The following SORCS3 variants were observed in gnomAD, a reference collection of about 807,000 sequenced individuals.
SORCS3 encodes VPS10 domain-containing receptor SorCS3.
Under a neutral mutation model 146.3 loss-of-function variants are expected in SORCS3, and 57 were observed. The ratio of observed to expected loss-of-function variants is 0.39; its 90% CI spans 0.31 to 0.49. SORCS3 has a LOEUF of 0.49. Ranked by LOEUF, SORCS3 falls within the 20% of genes least tolerant of loss-of-function variation. The pLI is 0.92. For synonymous variants in SORCS3, 653 were observed against 618.5 expected, an observed-to-expected ratio of 1.06 and a Z score of -0.83; for missense variants, 1,341 against 1,575.5, an observed-to-expected ratio of 0.85 and a Z score of 2.52.
chr10:105,082,577 C>A (rs372167510), intron 5 of SORCS3, among the ~76,000 whole-genome samples: 1 of 152,242 alleles, frequency 6.6e-6, no homozygotes, highest in Non-Finnish European at 1.5e-5. Flanking sequence ...TATTTGCACA[C>A]ATGTGATGAA....
intron 6 of SORCS3, among the ~76,000 whole-genome samples, chr10:105,094,989 A>G (rs2055735737): frequency 6.6e-6 from 1 of 152,216 alleles, no homozygotes; most frequent in Admixed American, 6.5e-5. Flanking sequence ...ATCTATGGCC[A>G]TCCTTGCCTG....
In SORCS3 at chr10:105,086,499, G is replaced by A. The variant is rs571586585; in HGVS notation, c.1029-3276G>A. ...TTGATTCTTGCTTTCAACCTTGAAA[G>A]ATGTGTGAGATTTTAACTAGGTGGA... On this transcript the variant is annotated intron_variant, in intron 5 of 26. Coordinates refer to ENST00000369701, the MANE Select transcript of SORCS3 (RefSeq NM_014978.3). 2.6e-3 allele frequency among the ~76,000 whole-genome samples: 392 copies of A among 152,328 alleles called. 4 individuals carry two copies. The highest frequency in any genetic ancestry group is 6.2e-4 in the Non-Finnish European group (42 of 68,030).
At chr10:104,715,133 C>G (rs1160092110) in intron 1 of SORCS3, among the ~76,000 whole-genome samples, 1 of 152,038 alleles carries the variant, frequency 6.6e-6, no homozygotes, top group Non-Finnish European at 1.5e-5. Flanking sequence ...TAAGGGATGC[C>G]CAGATAGCTG....
chr10:104,927,053 G>A (rs2019156064), intron 3 of SORCS3, among the ~76,000 whole-genome samples: 1 of 152,108 alleles, frequency 6.6e-6, no homozygotes, highest in Non-Finnish European at 1.5e-5. Context: ...AGGTGCTTAT[G>A]TTTGCTCAAT....
chr10:105,239,099 C>T (rs964068740), intron 20 of SORCS3, among the ~76,000 whole-genome samples: 1 of 152,076 alleles, frequency 6.6e-6, no homozygotes, highest in Non-Finnish European at 1.5e-5. Context: ...AATTTGGTTC[C>T]ATCTTATATC....
chr10:104,680,244 C>T (rs2015955082), intron 1 of SORCS3, among the ~76,000 whole-genome samples: 1 of 152,204 alleles, frequency 6.6e-6, no homozygotes, highest in African/African-American at 2.4e-5. Flanking sequence ...ATGAATCAGC[C>T]ATGCCAGAGT....
intron 22 of SORCS3, among the ~76,000 whole-genome samples, chr10:105,251,485 T>G (rs2056898038): frequency 1.3e-5 from 2 of 152,160 alleles, no homozygotes; most frequent in Non-Finnish European, 2.9e-5. Flanking sequence ...TGTGTCACGG[T>G]GGACATGGTC....
chr10:105,243,428 C>T (rs1021742778), intron 20 of SORCS3, among the ~76,000 whole-genome samples: 2 of 152,180 alleles, frequency 1.3e-5, no homozygotes, highest in African/African-American at 4.8e-5. Flanking sequence ...TTGATATTCC[C>T]TTATTCCATG....
intron 24 of SORCS3, 50 bp downstream of exon 24, chr10:105,255,851 A>C (rs1365766793): frequency 1.4e-6 from 2 of 1,419,380 alleles, no homozygotes; most frequent in African/African-American, 2.8e-5. Context: ...CTGTTATCCC[A>C]GAGAGAAAAG....
At chr10:105,047,356 C>T (rs994422830) in intron 5 of SORCS3, among the ~76,000 whole-genome samples, 1 of 152,078 alleles carries the variant, frequency 6.6e-6, no homozygotes, top group Non-Finnish European at 1.5e-5. Context: ...TCCTAAAACA[C>T]GGAAGGAATG....
At chr10:104,991,564 C>A (rs551642981) in intron 4 of SORCS3, among the ~76,000 whole-genome samples, 1 of 147,666 alleles carries the variant, frequency 6.8e-6, no homozygotes, top group Non-Finnish European at 1.5e-5. Flanking sequence ...TGCAGTGGTG[C>A]GATCTTGGCT....
chr10:105,058,064 A>G (rs1464686056), intron 5 of SORCS3, among the ~76,000 whole-genome samples: 1 of 152,120 alleles, frequency 6.6e-6, no homozygotes, highest in African/African-American at 2.4e-5. Context: ...CTTTTCCCCT[A>G]ACAGTGTGTT....
At chr10:105,243,948 G>T (rs1346533010) in intron 20 of SORCS3, among the ~76,000 whole-genome samples, 2 of 152,140 alleles carry the variant, frequency 1.3e-5, no homozygotes, top group Admixed American at 1.3e-4. Flanking sequence ...CCATACATGG[G>T]TATGTTGTGA....
intron 3 of SORCS3, among the ~76,000 whole-genome samples, chr10:104,919,554 G>T (rs2019066284): frequency 6.6e-6 from 1 of 152,032 alleles, no homozygotes; most frequent in East Asian, 1.9e-4. Context: ...GCCAGGCGTG[G>T]TGGTACATGC....
intron 5 of SORCS3, among the ~76,000 whole-genome samples, chr10:105,048,337 T>C (rs1191114765): frequency 6.7e-6 from 1 of 149,108 alleles, no homozygotes; most frequent in Non-Finnish European, 1.5e-5. Context: ...ATATACACCA[T>C]GGAATACTAT....
intron 4 of SORCS3, among the ~76,000 whole-genome samples, chr10:105,031,336 C>A (rs11591369): frequency 3.5e-5 from 3 of 84,908 alleles, no homozygotes; most frequent in Non-Finnish European, 5.0e-5. Context: ...CACACAAACA[C>A]ACACACACAC....
chr10:104,956,317 T>C (rs955706124), intron 3 of SORCS3, among the ~76,000 whole-genome samples: 3 of 152,218 alleles, frequency 2.0e-5, no homozygotes, highest in African/African-American at 7.2e-5. Context: ...TTCTTCAGGA[T>C]GTCACATCCT....
At chr10:104,858,351 T>C (rs2133558440) in intron 2 of SORCS3, among the ~76,000 whole-genome samples, 1 of 152,350 alleles carries the variant, frequency 6.6e-6, no homozygotes, top group South Asian at 2.1e-4. Context: ...AATGTTTGAC[T>C]AAAAGTTTGT....
At chr10:104,785,832 G>A (rs2017428581) in intron 1 of SORCS3, among the ~76,000 whole-genome samples, 2 of 152,132 alleles carry the variant, frequency 1.3e-5, no homozygotes, top group Non-Finnish European at 2.9e-5. Context: ...TTGGGGGCAT[G>A]GATCCCTTTG....
Sources: allele counts gnomAD v4.1 joint callset (sites outside exome capture counted in the v4.1 genomes callset), GRCh38; gene constraint gnomAD v4.1.1; transcripts MANE v1.5; gene names NCBI Gene and HGNC (gene_info 2026-07-23, HGNC 2026-07-21).